ELOVL7: variants seen among roughly 807,000 people sequenced by gnomAD.
The protein encoded by ELOVL7 is very long chain fatty acid elongase 7.
A neutral mutation model predicts 35.7 loss-of-function variants in ELOVL7; 27 were observed. The observed-to-expected ratio is 0.76, with a 90% confidence interval of 0.56 to 1.04. ELOVL7 has a LOEUF of 1.04. ELOVL7 is among the 50% of genes least tolerant of loss of function. The pLI is 0.00. For synonymous variants in ELOVL7, 113 were observed against 114.6 expected (o/e 0.99, Z 0.09); for missense variants, 327 against 340.8 (o/e 0.96, Z 0.32).
At chr5:60,835,878 G>A (rs1366789203) in intron 1 of ELOVL7, among the ~76,000 whole-genome samples, 2 of 151,890 alleles carry the variant, frequency 1.3e-5, no homozygotes, top group Non-Finnish European at 2.9e-5. Context: ...AAATATAACT[G>A]GCACTAACAT....
intron 3 of ELOVL7, among the ~76,000 whole-genome samples, chr5:60,784,567 C>G (rs80313114): frequency 0.027 from 4,180 of 152,240 alleles, 155 homozygotes; most frequent in African/African-American, 0.076. Flanking sequence ...CTCTAGCAAT[C>G]AGAAAACCAA....
intron 1 of ELOVL7, among the ~76,000 whole-genome samples, chr5:60,810,224 C>G (rs558765434): frequency 6.6e-6 from 1 of 152,268 alleles, no homozygotes; most frequent in African/African-American, 2.4e-5. Context: ...GGCAGAAGAA[C>G]TAAAAAAGCA....
intron 1 of ELOVL7, among the ~76,000 whole-genome samples, chr5:60,835,825 GT>G (rs1235788975): frequency 2.6e-5 from 4 of 151,922 alleles, no homozygotes; most frequent in Non-Finnish European, 5.9e-5. Context: ...TTGCACTTAC[GT>G]TTCATAAGTT....
intron 7 of ELOVL7, among the ~76,000 whole-genome samples, chr5:60,764,009 G>A (rs763170514): frequency 1.3e-5 from 2 of 152,070 alleles, no homozygotes; most frequent in African/African-American, 4.8e-5. Context: ...TGTGTAGAAG[G>A]CTGTGCCCAG....
At chr5:60,823,349 T>C (rs1052542184) in intron 1 of ELOVL7, among the ~76,000 whole-genome samples, 4 of 152,056 alleles carry the variant, frequency 2.6e-5, no homozygotes, top group African/African-American at 7.2e-5. Context: ...ATTAGGGCCC[T>C]TCCTACATGC....
chr5:60,811,400 T>G (rs1020337157), intron 1 of ELOVL7, among the ~76,000 whole-genome samples: 1 of 152,198 alleles, frequency 6.6e-6, no homozygotes, highest in Non-Finnish European at 1.5e-5. Flanking sequence ...TGACTTATTT[T>G]CTGATAAGTA....
chr5:60,838,085 T>G (rs892333944), intron 1 of ELOVL7, among the ~76,000 whole-genome samples: 1 of 152,176 alleles, frequency 6.6e-6, no homozygotes, highest in African/African-American at 2.4e-5. Flanking sequence ...ACACATCCTT[T>G]TCCTTCTTAC....
chr5:60,787,677 A>G (rs1446645816), intron 2 of ELOVL7, among the ~76,000 whole-genome samples: 1 of 152,222 alleles, frequency 6.6e-6, no homozygotes. Flanking sequence ...TTCTATGTAC[A>G]AGACTCAAAA....
chr5:60,841,268 C>G (rs1294789045), intron 1 of ELOVL7, among the ~76,000 whole-genome samples: 1 of 152,110 alleles, frequency 6.6e-6, no homozygotes, highest in Admixed American at 6.5e-5. Flanking sequence ...TAAGGTGATC[C>G]ACCTGCCTCA....
chr5:60,761,028 G>A (rs1038417917), intron 7 of ELOVL7, among the ~76,000 whole-genome samples: 13 of 134,876 alleles, frequency 9.6e-5, no homozygotes, highest in African/African-American at 1.9e-4. Flanking sequence ...TTTCTGACAA[G>A]CTATTTTAAT....
intron 1 of ELOVL7, among the ~76,000 whole-genome samples, chr5:60,814,659 A>G (rs1006295168): frequency 2.0e-5 from 3 of 152,202 alleles, no homozygotes; most frequent in Admixed American, 2.0e-4. Context: ...AGGAAACTGA[A>G]GCTCAGAGAA....
At chr5:60,788,689 T>G (rs1428966658) in intron 2 of ELOVL7, among the ~76,000 whole-genome samples, 1 of 151,838 alleles carries the variant, frequency 6.6e-6, no homozygotes, top group Non-Finnish European at 1.5e-5. Flanking sequence ...GCAGGAAAAT[T>G]GCTCGAACCC....
chr5:60,841,517 C>A (rs892762784), intron 1 of ELOVL7, among the ~76,000 whole-genome samples: 16 of 152,168 alleles, frequency 1.1e-4, no homozygotes, highest in African/African-American at 3.9e-4. Context: ...CTCCTCAAGC[C>A]TCTCCATGCA....
intron 4 of ELOVL7, among the ~76,000 whole-genome samples, chr5:60,770,251 G>C (rs971737041): frequency 2.0e-5 from 3 of 152,098 alleles, no homozygotes; most frequent in African/African-American, 7.2e-5. Flanking sequence ...GCGATGACTG[G>C]ATTCTTTCCA....
intron 8 of ELOVL7, among the ~76,000 whole-genome samples, chr5:60,757,210 T>C (rs1261595160): frequency 6.6e-6 from 1 of 152,120 alleles, no homozygotes; most frequent in Non-Finnish European, 1.5e-5. Flanking sequence ...ATAGGTATTA[T>C]GCCTATTGAG....
At chr5:60,758,532 A>G (rs1205472984) in intron 7 of ELOVL7, among the ~76,000 whole-genome samples, 1 of 152,210 alleles carries the variant, frequency 6.6e-6, no homozygotes, top group Non-Finnish European at 1.5e-5. Flanking sequence ...CTGTGAAACC[A>G]TCCTTATTTA....
rs768244001 is a variant in ELOVL7 at position 60,757,673 on chromosome 5, G to T, written c.500-28C>A. 12 of 1,519,614 alleles carry T rather than the reference G, an allele frequency of 7.9e-6. 1 individual carries two copies. The South Asian group carries it at 1.4e-4, about 17-fold the overall frequency. 94.1% of individuals were successfully genotyped at this position (1,519,614 alleles called of 1,614,324 possible). Reference sequence around the variant, plus strand: ...GGAAAATAAAATTATTGTAACATGGGGCCATTGTTCCTTAAAATGAACCAC... The same window carrying T: ...GGAAAATAAAATTATTGTAACATGGTGCCATTGTTCCTTAAAATGAACCAC... On this transcript the variant is annotated intron_variant, in intron 7 of 8. Transcript: ENST00000508821.
chr5:60,827,993 C>T (rs558469962), intron 1 of ELOVL7, among the ~76,000 whole-genome samples: 1 of 105,668 alleles, frequency 9.5e-6, no homozygotes, highest in African/African-American at 3.8e-5. Context: ...GGACCAAGTC[C>T]TCAATTTCCC....
In ELOVL7 at chr5:60,827,236, C is replaced by T. The variant is rs549739724; in HGVS notation, c.-86+16924G>A. Among the ~76,000 whole-genome samples, 16 of 152,140 alleles carry T rather than the reference C, an allele frequency of 1.1e-4. No individual in the cohort carries two copies. In the South Asian group the frequency reaches 1.2e-3, roughly 12 times the overall value. Reference sequence around the variant, plus strand: ...ATATCATTACTTAATTTTTAGGTTACGTAATTTTGATATGAAGGAAAAGAT... The same window carrying T: ...ATATCATTACTTAATTTTTAGGTTATGTAATTTTGATATGAAGGAAAAGAT... On this transcript the variant is annotated intron_variant, in intron 1 of 8. Coordinates refer to ENST00000508821, the MANE Select transcript of ELOVL7 (RefSeq NM_024930.3).
Sources: gnomAD v4.1 joint callset for allele counts (sites outside exome capture counted in the v4.1 genomes callset) on GRCh38, gnomAD v4.1.1 for gene constraint, MANE v1.5 for transcripts, NCBI Gene and HGNC (gene_info 2026-07-23, HGNC 2026-07-21) for gene names.